The following CYP11A1 variants were observed in gnomAD, a reference collection of about 807,000 sequenced individuals.
The protein encoded by CYP11A1 is cytochrome P450 family 11 subfamily A member 1.
CYP11A1 carries 25 observed loss-of-function variants against 51.9 expected under a neutral mutation model. The ratio of observed to expected loss-of-function variants is 0.48; its 90% CI spans 0.35 to 0.67. The LOEUF is 0.67. Among genes scored for constraint, CYP11A1 ranks in the 30% least tolerant of loss-of-function variants. The probability of loss-of-function intolerance (pLI) is 0.00; values close to 1 mark genes in which losing one functional copy is unlikely to be tolerated. For synonymous variants in CYP11A1, 245 were observed against 262.1 expected, an observed-to-expected ratio of 0.93 and a Z score of 0.63; for missense variants, 578 against 680.9, an observed-to-expected ratio of 0.85 and a Z score of 1.68.
intron 1 of CYP11A1, chr15:74,361,848 A>C (rs1238257015): frequency 8.7e-7 from 1 of 1,146,140 alleles, no homozygotes; most frequent in East Asian, 2.4e-5. Flanking sequence ...CATCTTGTCC[A>C]TGGCAAATGC....
rs2060597220 is a variant in CYP11A1, at chr15:74,339,650, C to G, written c.1094G>C (p.Gly365Ala). Reference protein sequence around the residue: ...EVLAARHQAQGDMATMLQLVP... With the variant: ...EVLAARHQAQADMATMLQLVP... ...CAGCTGTAGCATCGTGGCCATGTCT[C>G]CCTGGGCCTGGTGCCGCGCAGCCAA... is the stretch of plus-strand genomic sequence containing the variant. Residue 365 changes from glycine (G) to alanine (A), a missense_variant, in exon 6 of 9, where the codon GGA (glycine) becomes GCA (alanine). By Grantham distance (60) the Gly-to-Ala change is moderately conservative (BLOSUM62 0). Coordinates refer to ENST00000268053, the MANE Select transcript of CYP11A1 (RefSeq NM_000781.3). The G allele has an allele frequency of 6.2e-7, 1 of 1,614,054 alleles. No individual in the cohort carries two copies. Among genetic ancestry groups the G allele is most frequent in the Admixed American group, 1.7e-5 (1 of 60,000 alleles).
At chr15:74,339,813 G>T in intron 5 of CYP11A1, 60 bp from the exon 6 acceptor site, 1 of 1,537,984 alleles carries the variant, frequency 6.5e-7, no homozygotes. Flanking sequence ...GGCCCCTTGA[G>T]GTCCTTGACC....
intron 8 of CYP11A1, 138 bp downstream of exon 8, chr15:74,338,433 G>A (rs1440607927): frequency 7.7e-6 from 7 of 908,062 alleles, no homozygotes; most frequent in African/African-American, 4.9e-5. Context: ...GGGAGAGAGC[G>A]AGAGCAAGTA....
intron 1 of CYP11A1, chr15:74,365,590 G>C (rs2060728525): frequency 1.3e-6 from 1 of 763,112 alleles, no homozygotes; most frequent in African/African-American, 1.9e-5. Flanking sequence ...AAAGGGAGTG[G>C]GATCTGGGGA....
chr15:74,348,611 C>T (rs988650052), intron 1 of CYP11A1, among the ~76,000 whole-genome samples: 2 of 152,148 alleles, frequency 1.3e-5, no homozygotes, highest in Admixed American at 6.5e-5. Flanking sequence ...CAGAGGCCAC[C>T]CAACAACACG....
In CYP11A1 at chr15:74,345,372, C is replaced by T. The variant is rs1437621622; in HGVS notation, c.426-129G>A. On this transcript the variant is annotated intron_variant, in intron 2 of 8. Transcript: ENST00000268053. The surrounding 1 kb of genome is among the most constrained non-coding windows in gnomAD (Gnocchi z 4.3). ...CAGCATCCAGCACTCCCACCAGGGC[C>T]TCTGCCCTCACCTCTCCGAGCACCC... 5.3e-6 allele frequency: 5 copies of T among 947,798 alleles called. No homozygotes were observed. Among genetic ancestry groups the T allele is most frequent in the Middle Eastern group, 2.8e-4 (1 of 3,624 alleles). The allele number at this position is 947,798 out of a possible 1,614,324, so 58.7% of individuals were successfully genotyped here.
chr15:74,364,498 G>A (rs2060722664), intron 1 of CYP11A1: 1 of 152,180 alleles, frequency 6.6e-6, no homozygotes, highest in African/African-American at 2.4e-5. Flanking sequence ...AGTAACCAAT[G>A]GAATCCTCTG....
intron 1 of CYP11A1, chr15:74,364,577 G>A (rs2141247367): frequency 6.6e-6 from 1 of 152,286 alleles, no homozygotes; most frequent in African/African-American, 2.4e-5. Context: ...CCCACACTGT[G>A]GTGTGTATGT....
chr15:74,367,063 C>T (rs999220279), intron 1 of CYP11A1: 37 of 537,660 alleles, frequency 6.9e-5, no homozygotes, highest in South Asian at 6.8e-4. Flanking sequence ...AGATGGCTGG[C>T]GGTCTTGCCA....
intron 1 of CYP11A1, chr15:74,365,738 C>T: frequency 1.0e-6 from 1 of 985,528 alleles, no homozygotes; most frequent in Non-Finnish European, 1.2e-6. Flanking sequence ...CTGTCGGCTC[C>T]GGTGGGCTCG....
chr15:74,344,791 C>G (rs1463072763), intron 3 of CYP11A1: 2 of 539,598 alleles, frequency 3.7e-6, no homozygotes, highest in Non-Finnish European at 6.7e-6. Context: ...GGGACCCTTG[C>G]TCCTACAGCA....
At chr15:74,361,624 T>C in intron 1 of CYP11A1, 1 of 1,190,010 alleles carries the variant, frequency 8.4e-7, no homozygotes, top group Non-Finnish European at 1.2e-6. Flanking sequence ...TTTGAGCTGT[T>C]TGCAGACAAG....
At position 74,343,935 on chromosome 15, in the gene CYP11A1, G is replaced by A. The variant is rs772561154; in HGVS notation, c.683C>T (p.Pro228Leu). 1 of 1,613,994 alleles carries A rather than the reference G, an allele frequency of 6.2e-7. No homozygotes were observed. The highest frequency in any genetic ancestry group is 8.5e-7 in the Non-Finnish European group (1 of 1,180,030). ...RQGMLEEVVN[P>L]EAQRFIDAIY... ...GGCATCAATGAATCGCTGGGCCTCGGGGTTCACTACTTCCTCCAGCATCCC... is the reference window on the plus strand; with the variant it reads ...GGCATCAATGAATCGCTGGGCCTCGAGGTTCACTACTTCCTCCAGCATCCC... Residue 228 changes from proline to leucine, a missense_variant, in exon 4 of 9, where the codon CCC (proline) becomes CTC (leucine). Coordinates refer to ENST00000268053, the MANE Select transcript of CYP11A1 (RefSeq NM_000781.3).
Position 74,339,327 on chromosome 15 carries a change from G to C in CYP11A1, c.1158-12C>G. On this transcript the variant is annotated splice_polypyrimidine_tract_variant and intron_variant, in intron 6 of 8. Transcript: ENST00000268053. ...AGATGGGGTGAAGTCTGCGGGAGGAGGGCACTCAGAAGCTGATGGCCCCAA... is the reference window on the plus strand; with the variant it reads ...AGATGGGGTGAAGTCTGCGGGAGGACGGCACTCAGAAGCTGATGGCCCCAA... 1 of 1,613,270 alleles carries C rather than the reference G, an allele frequency of 6.2e-7. No homozygotes were observed. The highest frequency in any genetic ancestry group is 8.5e-7 in the Non-Finnish European group (1 of 1,179,184).
chr15:74,365,581 A>G (rs1356202475), intron 1 of CYP11A1: 1 of 711,226 alleles, frequency 1.4e-6, no homozygotes, highest in Admixed American at 6.3e-5. Flanking sequence ...GAGAGTTTCA[A>G]AGGGAGTGGG....
In CYP11A1 at chr15:74,339,672, C is replaced by A; in HGVS notation, c.1072G>T (p.Ala358Ser). ...TCTCCCTGGGCCTGGTGCCGCGCAG[C>A]CAAGACCTCTGCCCGCAGCATATCC... ...VQDMLRAEVL[A>S]ARHQAQGDMA... The change falls in exon 6 of 9, where the codon GCT (alanine) becomes TCT (serine). Residue 358 changes from alanine to serine, a missense_variant. Physicochemically the swap from Ala to Ser is moderately conservative, Grantham distance 99. Transcript: ENST00000268053. 6.2e-7 allele frequency: 1 copy of A among 1,614,140 alleles called. No individual in the cohort carries two copies. The highest frequency in any genetic ancestry group is 1.1e-5 in the South Asian group (1 of 91,088).
chr15:74,359,750 C>A (rs776791112), intron 1 of CYP11A1: 1 of 152,192 alleles, frequency 6.6e-6, no homozygotes, highest in Non-Finnish European at 1.5e-5. Flanking sequence ...TCACACAAAG[C>A]CTGTTCAGTG....
At chr15:74,344,323 C>T (rs1383406821) in intron 3 of CYP11A1, among the ~76,000 whole-genome samples, 1 of 152,202 alleles carries the variant, frequency 6.6e-6, no homozygotes, top group Non-Finnish European at 1.5e-5. Context: ...GATTCCTCAT[C>T]TGTAATTGGC....
chr15:74,365,030 G>A (rs912122301), intron 1 of CYP11A1, among the ~76,000 whole-genome samples: 2 of 151,994 alleles, frequency 1.3e-5, no homozygotes, highest in East Asian at 3.9e-4. Flanking sequence ...CCCACCCCCA[G>A]CCCAGTCATC....
Sources: allele counts gnomAD v4.1 joint callset (sites outside exome capture counted in the v4.1 genomes callset), GRCh38; gene constraint gnomAD v4.1.1; non-coding constraint Gnocchi (gnomAD v3.1); transcripts MANE v1.5; gene names NCBI Gene and HGNC (gene_info 2026-07-23, HGNC 2026-07-21).